Variants in MYH9 observed in about 807,000 individuals in gnomAD.
MYH9 encodes myosin heavy chain 9.
A neutral mutation model predicts 241.9 loss-of-function variants in MYH9; 29 were observed. The observed-to-expected ratio is 0.12, with a 90% CI of 0.09 to 0.16. The LOEUF (loss-of-function observed/expected upper bound fraction) is 0.16, where lower values mean the gene tolerates loss of function less well. Among genes scored for constraint, MYH9 ranks in the 10% least tolerant of loss-of-function variants. MYH9 has a pLI of 1.00. For missense variants in MYH9, 1,803 were observed against 2,595.5 expected (o/e 0.69, Z 6.63); for synonymous variants, 1,047 against 1,062.6 (o/e 0.99, Z 0.29).
At chr22:36,284,314 G>A (rs377062107) in intron 39 of MYH9, 49 bp from the exon 40 acceptor site, 30 of 1,603,334 alleles carry the variant, frequency 1.9e-5, no homozygotes, top group South Asian at 4.4e-5. Flanking sequence ...GGCTCTGGGC[G>A]TGCAGCCAGT....
At position 36,295,829 on chromosome 22, in the gene MYH9, C is replaced by T; in HGVS notation, c.3273-112G>A. 1 of 947,682 alleles carries T rather than the reference C, an allele frequency of 1.1e-6. No individual in the cohort carries two copies. The highest frequency in any genetic ancestry group is 2.6e-5 in the East Asian group (1 of 38,292). The allele number at this position is 947,682 out of a possible 1,614,324, so 58.7% of individuals were successfully genotyped here. A position where few individuals can be genotyped will look rare whatever the true frequency, so the allele number is the denominator to read the frequency against. On this transcript the variant is annotated intron_variant, in intron 25 of 40. Transcript: ENST00000216181. This position sits in a 1 kb window ranked among gnomAD's most constrained non-coding sequence, Gnocchi z 4.1. Reference sequence around the variant, plus strand: ...CAGCCAAAGCTGCCTCCTGTGGTCACAATCATGGCACTTAGGATGGCTCTC... The same window carrying T: ...CAGCCAAAGCTGCCTCCTGTGGTCATAATCATGGCACTTAGGATGGCTCTC...
chr22:36,381,263 C>T (rs1056827449), intron 1 of MYH9, among the ~76,000 whole-genome samples: 2 of 151,988 alleles, frequency 1.3e-5, no homozygotes, highest in African/African-American at 4.8e-5. Context: ...GCCTGTAATC[C>T]CAGCACTTTG....
In MYH9 at chr22:36,305,326, C is replaced by G. The variant is rs186195891; in HGVS notation, c.2160-224G>C. On this transcript the variant is annotated intron_variant, in intron 17 of 40. Transcript: ENST00000216181. The surrounding 1 kb of genome is among the most constrained non-coding windows in gnomAD (Gnocchi z 4.7). ...GTTTTCCGGAAAGTGAATGGAAACT[C>G]GTGTAGGACCGTTTCAATCACTCAA... Among the ~76,000 whole-genome samples, 1 of 152,196 alleles carries G rather than the reference C, an allele frequency of 6.6e-6. No individual in the cohort carries two copies. Among genetic ancestry groups the G allele is most frequent in the African/African-American group, 2.4e-5 (1 of 41,432 alleles).
chr22:36,306,108 A>G lies in MYH9; in HGVS notation c.2038-57T>C. Reference sequence around the variant, plus strand: ...CTTCCGTGCCTAGAACAGTCGGAGAATAGTCAGGGAACCCCTATGAACCTG... The same window carrying G: ...CTTCCGTGCCTAGAACAGTCGGAGAGTAGTCAGGGAACCCCTATGAACCTG... On this transcript the variant is annotated intron_variant, in intron 16 of 40. Transcript: ENST00000216181. This position sits in a 1 kb window ranked among gnomAD's most constrained non-coding sequence, Gnocchi z 4.1. 1.9e-6 allele frequency: 3 copies of G among 1,607,762 alleles called. No individual in the cohort carries two copies. Among genetic ancestry groups the G allele is most frequent in the Non-Finnish European group, 2.5e-6 (3 of 1,179,738 alleles).
At chr22:36,299,093 C>G in intron 23 of MYH9, 51 bp from the exon 24 acceptor site, 2 of 1,612,078 alleles carry the variant, frequency 1.2e-6, no homozygotes, top group Non-Finnish European at 1.7e-6. Context: ...GCACAGAACA[C>G]TTGCTAGCCT....
chr22:36,324,690 C>A (rs1252133831), intron 5 of MYH9, among the ~76,000 whole-genome samples: 1 of 152,252 alleles, frequency 6.6e-6, no homozygotes, highest in Non-Finnish European at 1.5e-5. Context: ...CACAGCACAG[C>A]TTCAGGCAAG....
At chr22:36,321,634 G>T (rs1344044565) in intron 7 of MYH9, 124 bp downstream of exon 7, 10 of 905,352 alleles carry the variant, frequency 1.1e-5, no homozygotes, top group Non-Finnish European at 1.7e-5. Flanking sequence ...TAGCTCCACA[G>T]AGAAGGTGTC....
chr22:36,298,340 C>A (rs916630246), intron 24 of MYH9, among the ~76,000 whole-genome samples: 3 of 152,108 alleles, frequency 2.0e-5, no homozygotes, highest in African/African-American at 7.2e-5. Context: ...CTCCCTGCCA[C>A]AGATCCCGAG....
intron 24 of MYH9, chr22:36,297,247 T>G: frequency 1.7e-6 from 1 of 577,294 alleles, no homozygotes; most frequent in South Asian, 2.0e-5. Flanking sequence ...CTGCCAGGAA[T>G]TAAGTACTCT....
intron 5 of MYH9, among the ~76,000 whole-genome samples, chr22:36,324,844 C>T (rs2017310412): frequency 6.6e-6 from 1 of 152,208 alleles, no homozygotes; most frequent in African/African-American, 2.4e-5. Context: ...CAACGTGGCT[C>T]CCACTGTCAC....
At chr22:36,314,000 C>A (rs3752461) in intron 13 of MYH9, 145 bp downstream of exon 13, 2 of 1,089,400 alleles carry the variant, frequency 1.8e-6, no homozygotes, top group Non-Finnish European at 1.4e-6. Flanking sequence ...GGATCTCAGC[C>A]TTGGGGCTTC....
In MYH9 at chr22:36,295,185, G is replaced by A; in HGVS notation, c.3486-109C>T. 6.6e-7 allele frequency: 1 copy of A among 1,505,184 alleles called. No individual in the cohort carries two copies. The highest frequency in any genetic ancestry group is 1.4e-5 in the African/African-American group (1 of 72,706). The allele number at this position is 1,505,184 out of a possible 1,614,324, so 93.2% of individuals were successfully genotyped here. A position where few individuals can be genotyped will look rare whatever the true frequency, so the allele number is the denominator to read the frequency against. ...GCCTGGCCAGGGCACAGGCACTCCAGGCAGCTTTTCTACCCACCGGCCCCT... is the reference window on the plus strand; with the variant it reads ...GCCTGGCCAGGGCACAGGCACTCCAAGCAGCTTTTCTACCCACCGGCCCCT... On this transcript the variant is annotated intron_variant, in intron 26 of 40. Transcript: ENST00000216181. This position sits in a 1 kb window ranked among gnomAD's most constrained non-coding sequence, Gnocchi z 4.1.
chr22:36,308,888 A>G, intron 15 of MYH9: 1 of 983,792 alleles, frequency 1.0e-6, no homozygotes, highest in Non-Finnish European at 1.2e-6. Flanking sequence ...AGAGAGGTTA[A>G]AGCAAAACCC....
At chr22:36,381,264 C>G (rs896594083) in intron 1 of MYH9, among the ~76,000 whole-genome samples, 4 of 152,092 alleles carry the variant, frequency 2.6e-5, no homozygotes, top group African/African-American at 9.7e-5. Flanking sequence ...CCTGTAATCC[C>G]AGCACTTTGG....
chr22:36,296,479 A>G (rs1275384410), intron 25 of MYH9, among the ~76,000 whole-genome samples: 1 of 138,590 alleles, frequency 7.2e-6, no homozygotes, highest in African/African-American at 2.8e-5. Flanking sequence ...CAAGTGATCC[A>G]CCCGGCTTGG....
chr22:36,327,495 C>T lies in MYH9; in HGVS notation c.491-7G>A, dbSNP rs200059134. On this transcript the variant is annotated splice_region_variant and splice_polypyrimidine_tract_variant and intron_variant, in intron 3 of 40. Transcript: ENST00000216181. ...ATGGATTGATCTTCTCGGTCTGAAA[C>T]AAAGAAGACATCAGATTAACTCCCG... The T allele has an allele frequency of 5.0e-5, 80 of 1,613,878 alleles. No individual in the cohort carries two copies. The highest frequency in any genetic ancestry group is 6.4e-5 in the Non-Finnish European group (76 of 1,179,922).
At chr22:36,343,964 T>C (rs1182554696) in intron 2 of MYH9, among the ~76,000 whole-genome samples, 3 of 152,182 alleles carry the variant, frequency 2.0e-5, no homozygotes, top group Non-Finnish European at 4.4e-5. Context: ...GGGAGTGCCA[T>C]GGAGCCAGAT....
intron 1 of MYH9, among the ~76,000 whole-genome samples, chr22:36,369,368 G>A (rs902097122): frequency 1.3e-5 from 2 of 152,300 alleles, no homozygotes; most frequent in South Asian, 4.1e-4. Context: ...TGAGCATTTG[G>A]CATTATATAC....
chr22:36,307,888 C>CAA (rs1402314098), intron 15 of MYH9, among the ~76,000 whole-genome samples: 3 of 105,010 alleles, frequency 2.9e-5, no homozygotes, highest in Admixed American at 1.0e-4. Flanking sequence ...AACTCTGTCT[C>CAA]AAAAAAAAAA....
Sources: allele counts gnomAD v4.1 joint callset (sites outside exome capture counted in the v4.1 genomes callset), GRCh38; gene constraint gnomAD v4.1.1; non-coding constraint Gnocchi (gnomAD v3.1); transcripts MANE v1.5; gene names NCBI Gene and HGNC (gene_info 2026-07-23, HGNC 2026-07-21).